Variants in APP observed in about 807,000 individuals in gnomAD.
APP encodes amyloid beta precursor protein, also known as amyloid-beta precursor protein.
In APP, 31 loss-of-function variants were observed where a neutral mutation model predicts 101.4. The observed-to-expected ratio is 0.31, with a 90% CI of 0.23 to 0.41. The LOEUF is 0.41. Among genes scored for constraint, APP ranks in the 10% least tolerant of loss-of-function variants. The pLI is 1.00. For missense variants in APP, 839 were observed against 1,003.7 expected (o/e 0.84, Z 2.22); for synonymous variants, 366 against 364.4 (o/e 1.00, Z -0.05).
chr21:26,109,379 CG>C (rs1198261616), intron 2 of APP, among the ~76,000 whole-genome samples: 1 of 152,022 alleles, frequency 6.6e-6, no homozygotes, highest in Non-Finnish European at 1.5e-5. Context: ...TCATGAGATC[CG>C]GGTGTTTGAA....
At chr21:25,995,061 T>G (rs1298817924) in intron 8 of APP, among the ~76,000 whole-genome samples, 1 of 151,970 alleles carries the variant, frequency 6.6e-6, no homozygotes, top group East Asian at 1.9e-4. Flanking sequence ...AGAAAATTAC[T>G]GGGAAGGAGA....
At chr21:25,976,490 AC>A (rs1414851273) in intron 9 of APP, among the ~76,000 whole-genome samples, 1 of 152,244 alleles carries the variant, frequency 6.6e-6, no homozygotes, top group African/African-American at 2.4e-5. Context: ...TGTCATGAAT[AC>A]AATGCCAAAA....
At chr21:25,892,004 A>T in intron 16 of APP, 136 bp from the exon 17 acceptor site, 1 of 793,276 alleles carries the variant, frequency 1.3e-6, no homozygotes, top group Non-Finnish European at 2.0e-6. Flanking sequence ...GTTTCAGTAT[A>T]TTCTCTGCCC....
intron 5 of APP, among the ~76,000 whole-genome samples, chr21:26,041,378 G>C (rs1040871820): frequency 1.3e-5 from 2 of 152,214 alleles, no homozygotes; most frequent in African/African-American, 4.8e-5. Flanking sequence ...ACTATTGCCA[G>C]AGACCAGTTA....
intron 5 of APP, among the ~76,000 whole-genome samples, chr21:26,045,649 T>C (rs1323901180): frequency 6.6e-6 from 1 of 152,222 alleles, no homozygotes; most frequent in Non-Finnish European, 1.5e-5. Flanking sequence ...AGATAGTCAA[T>C]GGTGCTGGCC....
At chr21:25,990,321 C>T (rs962825085) in intron 8 of APP, among the ~76,000 whole-genome samples, 3 of 152,172 alleles carry the variant, frequency 2.0e-5, no homozygotes, top group African/African-American at 7.2e-5. Context: ...AATATATGAA[C>T]TGAATGTGAA....
intron 13 of APP, among the ~76,000 whole-genome samples, chr21:25,915,386 G>C (rs2039304808): frequency 6.6e-6 from 1 of 152,188 alleles, no homozygotes; most frequent in African/African-American, 2.4e-5. Context: ...GAGGCTGGGA[G>C]AAAGGAACCA....
At chr21:26,054,042 T>C (rs935204206) in intron 3 of APP, among the ~76,000 whole-genome samples, 6 of 152,216 alleles carry the variant, frequency 3.9e-5, no homozygotes, top group African/African-American at 1.4e-4. Flanking sequence ...AATTACCACA[T>C]TATATGTAAG....
intron 11 of APP, among the ~76,000 whole-genome samples, chr21:25,956,281 A>G (rs1194525658): frequency 6.6e-6 from 1 of 152,252 alleles, no homozygotes; most frequent in East Asian, 1.9e-4. Context: ...ATATTTTTCT[A>G]GGAGAAAGGC....
chr21:25,998,664 C>G (rs997207104), intron 7 of APP, among the ~76,000 whole-genome samples: 1 of 152,124 alleles, frequency 6.6e-6, no homozygotes, highest in South Asian at 2.1e-4. Flanking sequence ...TGCAACACAG[C>G]GGAGAATTAG....
intron 3 of APP, 43 bp downstream of exon 3, chr21:26,089,900 C>T: frequency 1.2e-6 from 2 of 1,612,932 alleles, no homozygotes; most frequent in Non-Finnish European, 1.7e-6. Flanking sequence ...TCCCTCAAGA[C>T]CAGGCCCCCA....
intron 1 of APP, among the ~76,000 whole-genome samples, chr21:26,147,240 C>T (rs914409853): frequency 2.0e-5 from 3 of 152,166 alleles, no homozygotes; most frequent in Non-Finnish European, 4.4e-5. Flanking sequence ...AGACAGAGAG[C>T]CTGCTTTTCT....
intron 1 of APP, among the ~76,000 whole-genome samples, chr21:26,153,608 C>A (rs1187259579): frequency 6.6e-6 from 1 of 152,110 alleles, no homozygotes; most frequent in Non-Finnish European, 1.5e-5. Context: ...ACCATGCCAG[C>A]CAATATCCTT....
chr21:26,137,139 G>A (rs1466747689), intron 1 of APP, among the ~76,000 whole-genome samples: 1 of 152,126 alleles, frequency 6.6e-6, no homozygotes, highest in Non-Finnish European at 1.5e-5. Context: ...ACAGCATTTG[G>A]CCATGTTGCC....
At chr21:25,897,360 C>T (rs954566990) in intron 16 of APP, among the ~76,000 whole-genome samples, 2 of 152,178 alleles carry the variant, frequency 1.3e-5, no homozygotes, top group Non-Finnish European at 2.9e-5. Context: ...GTGATCCACC[C>T]GCCTTGGCCT....
chr21:25,938,364 G>A (rs2040437333), intron 13 of APP, among the ~76,000 whole-genome samples: 1 of 152,106 alleles, frequency 6.6e-6, no homozygotes, highest in Non-Finnish European at 1.5e-5. Flanking sequence ...CAATCCAGTA[G>A]TTAGGCTCTG....
chr21:26,167,015 T>C (rs1281454043), intron 1 of APP, among the ~76,000 whole-genome samples: 5 of 152,036 alleles, frequency 3.3e-5, no homozygotes, highest in Admixed American at 3.3e-4. Flanking sequence ...TGCAGAAACT[T>C]AACCTCCAAT....
At chr21:25,991,769 A>G (rs984465808) in intron 8 of APP, among the ~76,000 whole-genome samples, 1 of 152,222 alleles carries the variant, frequency 6.6e-6, no homozygotes, top group African/African-American at 2.4e-5. Context: ...CTACCACTGC[A>G]TAGTTAAGTA....
At chr21:26,017,103 G>A (rs2044118093) in intron 6 of APP, among the ~76,000 whole-genome samples, 1 of 150,264 alleles carries the variant, frequency 6.7e-6, no homozygotes, top group African/African-American at 2.5e-5. Flanking sequence ...GGAGGCTGAA[G>A]CGGGAGAATG....
Sources: allele counts gnomAD v4.1 joint callset (sites outside exome capture counted in the v4.1 genomes callset), GRCh38; gene constraint gnomAD v4.1.1; transcripts MANE v1.5; gene names NCBI Gene and HGNC (gene_info 2026-07-23, HGNC 2026-07-21).